SPRED2: variants seen among roughly 807,000 people sequenced by gnomAD.
SPRED2 encodes the protein sprouty-related, EVH1 domain-containing protein 2.
Under a neutral mutation model 43.0 loss-of-function variants are expected in SPRED2, and 47 were observed. That is an observed-to-expected ratio of 1.09 (90% CI 0.87 to 1.40). The LOEUF (loss-of-function observed/expected upper bound fraction) is 1.40. SPRED2 is among the 40% of genes most tolerant of loss of function. The probability of loss-of-function intolerance (pLI) is 0.00; values close to 1 mark genes in which losing one functional copy is unlikely to be tolerated. For missense variants in SPRED2, 561 were observed against 586.4 expected (o/e 0.96, Z 0.45); for synonymous variants, 225 against 225.7 (o/e 1.00, Z 0.03).
At position 65,397,071 on chromosome 2, in the gene SPRED2, G is replaced by GA. The variant is rs371403285; in HGVS notation, c.26+34890dup. Among the ~76,000 whole-genome samples the GA allele has an allele frequency of 1.8e-3, 269 of 147,140 alleles. 2 individuals carry two copies. The highest frequency in any genetic ancestry group is 0.014 in the Middle Eastern group (4 of 290). ...AAATAAGAACACAAGAATCGTTCAT[G>GA]AAAAAAAAAAATTCAGTCATAGCCA... On this transcript the variant is annotated intron_variant, in intron 1 of 5. Coordinates refer to ENST00000356388, the MANE Select transcript of SPRED2 (RefSeq NM_181784.3).
At chr2:65,379,088 C>T (rs1014797798) in intron 1 of SPRED2, among the ~76,000 whole-genome samples, 4 of 152,086 alleles carry the variant, frequency 2.6e-5, no homozygotes, top group South Asian at 2.1e-4. Context: ...AAAGATGACA[C>T]GAGAGCTATA....
chr2:65,385,762 T>C (rs1396883894), intron 1 of SPRED2, among the ~76,000 whole-genome samples: 1 of 152,090 alleles, frequency 6.6e-6, no homozygotes, highest in African/African-American at 2.4e-5. Flanking sequence ...GGAAAATGCT[T>C]ATGGGCTCTT....
At chr2:65,334,194 G>C (rs1251097442) in intron 3 of SPRED2, 2 of 471,764 alleles carry the variant, frequency 4.2e-6, no homozygotes, top group South Asian at 3.1e-5. Flanking sequence ...TGTACACCCT[G>C]GGCCTCTGAT....
chr2:65,332,256 C>T (rs1004407372), intron 3 of SPRED2: 11 of 425,718 alleles, frequency 2.6e-5, no homozygotes, highest in African/African-American at 2.0e-4. Flanking sequence ...ATTAACTTTG[C>T]CTGCTGTTGT....
At chr2:65,361,522 A>G (rs1327878678) in intron 1 of SPRED2, among the ~76,000 whole-genome samples, 1 of 152,254 alleles carries the variant, frequency 6.6e-6, no homozygotes, top group Non-Finnish European at 1.5e-5. Context: ...CACCAGCAAC[A>G]GAATACACCA....
At chr2:65,322,817 A>G (rs545038044) in intron 4 of SPRED2, among the ~76,000 whole-genome samples, 16 of 152,330 alleles carry the variant, frequency 1.1e-4, no homozygotes, top group Admixed American at 3.3e-4. Flanking sequence ...AAGGATTTTC[A>G]CCAGATATTA....
In SPRED2 at chr2:65,328,138, C is replaced by A. The variant is rs377569528; in HGVS notation, c.438+3849G>T. 3.9e-5 allele frequency among the ~76,000 whole-genome samples: 6 copies of A among 152,226 alleles called. No individual in the cohort carries two copies. In the South Asian group the frequency reaches 1.2e-3, roughly 32 times the overall value. Reference sequence around the variant, plus strand: ...ACCCCTTCCCTCCTCTGCCCCAATCCCTTAATGCTAAAGATAATGACACCA... The same window carrying A: ...ACCCCTTCCCTCCTCTGCCCCAATCACTTAATGCTAAAGATAATGACACCA... On this transcript the variant is annotated intron_variant, in intron 4 of 5. Coordinates refer to ENST00000356388, the MANE Select transcript of SPRED2 (RefSeq NM_181784.3).
At chr2:65,358,624 A>G (rs1322684623) in intron 1 of SPRED2, among the ~76,000 whole-genome samples, 1 of 152,264 alleles carries the variant, frequency 6.6e-6, no homozygotes, top group Non-Finnish European at 1.5e-5. Context: ...CTCAGTGCAC[A>G]TCAAGTTGCA....
At chr2:65,371,813 C>A (rs142641171) in intron 1 of SPRED2, among the ~76,000 whole-genome samples, 1 of 152,106 alleles carries the variant, frequency 6.6e-6, no homozygotes, top group Non-Finnish European at 1.5e-5. Context: ...CGGTGGCTCA[C>A]GCCTCTAATC....
chr2:65,389,420 C>A (rs1426859860), intron 1 of SPRED2, among the ~76,000 whole-genome samples: 1 of 152,134 alleles, frequency 6.6e-6, no homozygotes, highest in Non-Finnish European at 1.5e-5. Context: ...GGGTGACACC[C>A]ACTTTTGAGA....
chr2:65,335,732 C>T lies in SPRED2; in HGVS notation c.205-959G>A, dbSNP rs201400985. On this transcript the variant is annotated intron_variant, in intron 2 of 5. Transcript: ENST00000356388. The stretch of plus-strand genomic sequence containing the variant: ...AAAAGTCAAGATTATAAAATAACCC[C>T]GTCTAGCACAGTTGATAGAGATACT... Among the ~76,000 whole-genome samples, 3 of 151,780 alleles carry T rather than the reference C, an allele frequency of 2.0e-5. No homozygotes were observed. In the South Asian group the frequency reaches 6.2e-4, roughly 31 times the overall value.
intron 4 of SPRED2, among the ~76,000 whole-genome samples, chr2:65,322,294 A>ATATATATTTTTTTT (rs1350932295): frequency 4.6e-5 from 3 of 64,926 alleles, no homozygotes; most frequent in African/African-American, 2.1e-4. Context: ...ATATATATAT[A>ATATATATTTTTTTT]TTTTTTTTTT....
intron 1 of SPRED2, among the ~76,000 whole-genome samples, chr2:65,370,057 T>C (rs1272999472): frequency 6.6e-6 from 1 of 152,240 alleles, no homozygotes; most frequent in African/African-American, 2.4e-5. Flanking sequence ...AAAATGCGGA[T>C]ATCAATGATG....
rs200668537 is a variant in SPRED2 at position 65,316,799 on chromosome 2, G to A, written c.523C>T (p.Arg175Trp). 20 of 1,613,446 alleles carry A rather than the reference G, an allele frequency of 1.2e-5. No homozygotes were observed. Among genetic ancestry groups the A allele is most frequent in the East Asian group, 2.2e-5 (1 of 44,870 alleles). ...TISSPTSCEHRRIYTLGHLHD... is the reference protein window; with the variant it reads ...TISSPTSCEHWRIYTLGHLHD... ...AGGTGGCCCAGGGTATAAATCCTCC[G>A]GTGCTCACAGGATGTGGGAGAGGAG... The change falls in exon 5 of 6, where the codon CGG (arginine) becomes TGG (tryptophan). Residue 175 changes from arginine (R) to tryptophan (W), a missense_variant. Physicochemically the swap from Arg to Trp is moderately radical, Grantham distance 101. Coordinates refer to ENST00000356388, the MANE Select transcript of SPRED2 (RefSeq NM_181784.3).
intron 2 of SPRED2, 54 bp downstream of exon 2, chr2:65,344,665 G>C: frequency 6.3e-7 from 1 of 1,589,808 alleles, no homozygotes; most frequent in Non-Finnish European, 8.6e-7. Context: ...ATGATTTAAC[G>C]TAAAGAAAGC....
At chr2:65,342,184 T>TTTTATATACGTATATTATGTATGTATAA (rs1201435970) in intron 2 of SPRED2, among the ~76,000 whole-genome samples, 1 of 148,332 alleles carries the variant, frequency 6.7e-6, no homozygotes, top group African/African-American at 2.5e-5. Flanking sequence ...TGTATGTATA[T>TTTTATATACGTATATTATGTATGTATAA]TTTATATACG....
chr2:65,311,658 A>C lies in SPRED2; in HGVS notation c.*1843T>G. ...CATGGATGAGGTTCTCTTTTCTTCC[A>C]TCAATCCAGATGGACAGCTCTCTGC... On this transcript the variant is annotated 3_prime_UTR_variant, in exon 6 of 6. Coordinates refer to ENST00000356388, the MANE Select transcript of SPRED2 (RefSeq NM_181784.3). 1.0e-6 allele frequency: 1 copy of C among 985,690 alleles called. No individual in the cohort carries two copies. Among genetic ancestry groups the C allele is most frequent in the Non-Finnish European group, 1.2e-6 (1 of 829,934 alleles). The allele number at this position is 985,690 out of a possible 1,614,324, so 61.1% of individuals were successfully genotyped here. A position where few individuals can be genotyped will look rare whatever the true frequency, so the allele number is the denominator to read the frequency against.
chr2:65,369,103 A>C (rs746832959), intron 1 of SPRED2, among the ~76,000 whole-genome samples: 2 of 152,204 alleles, frequency 1.3e-5, no homozygotes, highest in Admixed American at 6.5e-5. Flanking sequence ...TTAAGTATTT[A>C]ATAATCACCA....
intron 4 of SPRED2, among the ~76,000 whole-genome samples, chr2:65,323,659 G>A (rs1673503527): frequency 6.6e-6 from 1 of 151,790 alleles, no homozygotes; most frequent in Non-Finnish European, 1.5e-5. Flanking sequence ...GGCAGATCAC[G>A]AGGTCAGGAG....
Sources: allele counts gnomAD v4.1 joint callset (sites outside exome capture counted in the v4.1 genomes callset), GRCh38; gene constraint gnomAD v4.1.1; transcripts MANE v1.5; gene names NCBI Gene and HGNC (gene_info 2026-07-23, HGNC 2026-07-21).